ANP32A: variants seen among roughly 807,000 people sequenced by gnomAD.
ANP32A encodes acidic leucine-rich nuclear phosphoprotein 32 family member A.
ANP32A carries 1 observed loss-of-function variant against 33.9 expected under a neutral mutation model. That is an observed-to-expected ratio of 0.03 (90% CI 0.01 to 0.14). The LOEUF is 0.14. Ranked by LOEUF, ANP32A falls within the 10% of genes least tolerant of loss-of-function variation. ANP32A has a pLI of 1.00. For synonymous variants in ANP32A, 115 were observed against 120.5 expected (o/e 0.95, Z 0.30); for missense variants, 155 against 306.0 (o/e 0.51, Z 3.68).
In ANP32A at chr15:68,783,062, T is replaced by C; in HGVS notation, c.527-9A>G. 6.4e-7 allele frequency: 1 copy of C among 1,551,620 alleles called. No individual in the cohort carries two copies. The highest frequency in any genetic ancestry group is 8.7e-7 in the Non-Finnish European group (1 of 1,146,980). ...TTCATCATACTCCTCCTCTGTGCAA[T>C]CGAAATGGGGAACGGAAACAGAACT... On this transcript the variant is annotated splice_polypyrimidine_tract_variant and intron_variant, in intron 4 of 6. Coordinates refer to ENST00000465139, the MANE Select transcript of ANP32A (RefSeq NM_006305.4).
chr15:68,780,269 C>T lies in ANP32A; in HGVS notation c.689-127G>A. 1.3e-6 allele frequency: 2 copies of T among 1,562,916 alleles called. No homozygotes were observed. The highest frequency in any genetic ancestry group is 1.4e-5 in the African/African-American group (1 of 73,552). ...GCCATCCTTGGAAACCGAGGCAAGA[C>T]ATCTGCACAGCTGGAAGGGGAATCT... On this transcript the variant is annotated intron_variant, in intron 6 of 6. Coordinates refer to ENST00000465139, the MANE Select transcript of ANP32A (RefSeq NM_006305.4). This position sits in a 1 kb window ranked among gnomAD's most constrained non-coding sequence, Gnocchi z 4.3.
chr15:68,818,545 G>C (rs1213386565), intron 1 of ANP32A, among the ~76,000 whole-genome samples: 1 of 152,032 alleles, frequency 6.6e-6, no homozygotes, highest in African/African-American at 2.4e-5. Flanking sequence ...AGGCGTGTGG[G>C]CCGCGAGGCT....
Position 68,779,168 on chromosome 15 carries a change from G to A in ANP32A, c.*913C>T, listed in dbSNP as rs1434558220. The A allele has an allele frequency of 6.6e-6, 1 of 151,790 alleles. No individual in the cohort carries two copies. The highest frequency in any genetic ancestry group is 1.5e-5 in the Non-Finnish European group (1 of 67,950). The allele number at this position is 151,790 out of a possible 1,614,324, so 9.4% of individuals were successfully genotyped here. On this transcript the variant is annotated 3_prime_UTR_variant, in exon 7 of 7. Coordinates refer to ENST00000465139, the MANE Select transcript of ANP32A (RefSeq NM_006305.4). Reference sequence around the variant, plus strand: ...TTTTGCGTTAGTTTTTCCGTGCTCGGGTGTATGAAAAAAAAAACCCAGCCG... The same window carrying A: ...TTTTGCGTTAGTTTTTCCGTGCTCGAGTGTATGAAAAAAAAAACCCAGCCG...
At chr15:68,809,995 A>C (rs769182365) in intron 1 of ANP32A, among the ~76,000 whole-genome samples, 24 of 152,208 alleles carry the variant, frequency 1.6e-4, no homozygotes, top group Non-Finnish European at 2.9e-4. Context: ...AAAGTTCTGT[A>C]AGAGTTTTCT....
At chr15:68,796,610 C>T (rs1894067700) in intron 1 of ANP32A, among the ~76,000 whole-genome samples, 3 of 152,188 alleles carry the variant, frequency 2.0e-5, no homozygotes, top group Admixed American at 1.3e-4. Context: ...AAGAGGTAGG[C>T]ACTGGAAGCA....
At position 68,804,376 on chromosome 15, in the gene ANP32A, T is replaced by C. The variant is rs1413231855; in HGVS notation, c.54+16322A>G. Among the ~76,000 whole-genome samples, 5 of 152,204 alleles carry C rather than the reference T, an allele frequency of 3.3e-5. No homozygotes were observed. In the East Asian group the frequency reaches 5.8e-4, roughly 18 times the overall value. On this transcript the variant is annotated intron_variant, in intron 1 of 6. Transcript: ENST00000465139. ...ACCTTTCTGAGCCTTGGTTCCCTCA[T>C]TGGCAGAGTGAGCATAATTCCATTC...
chr15:68,782,869 C>T (rs576192571), intron 5 of ANP32A, 87 bp downstream of exon 5: 721 of 1,521,198 alleles, frequency 4.7e-4, no homozygotes, highest in Non-Finnish European at 6.2e-4. Context: ...ACCAGGGCTC[C>T]GGGGCTGCCA....
At chr15:68,783,835 C>A (rs1376269286) in intron 4 of ANP32A, among the ~76,000 whole-genome samples, 1 of 152,180 alleles carries the variant, frequency 6.6e-6, no homozygotes, top group Non-Finnish European at 1.5e-5. Context: ...AGCACCTGAG[C>A]CTGTGCCCCT....
rs976796549 is a variant in ANP32A, at chr15:68,820,880, A to C, written c.-129T>G. ...TCCGCTCGGTTCTCGAGCCCCCAGCACCCGCGGCGCACACTAACCTGATCG... is the reference window on the plus strand; with the variant it reads ...TCCGCTCGGTTCTCGAGCCCCCAGCCCCCGCGGCGCACACTAACCTGATCG... On this transcript the variant is annotated 5_prime_UTR_variant, in exon 1 of 7. Coordinates refer to ENST00000465139, the MANE Select transcript of ANP32A (RefSeq NM_006305.4). 1.8e-6 allele frequency: 2 copies of C among 1,106,498 alleles called. No homozygotes were observed. The highest frequency in any genetic ancestry group is 1.6e-5 in the African/African-American group (1 of 64,062). The allele number at this position is 1,106,498 out of a possible 1,614,324, so 68.5% of individuals were successfully genotyped here. A position where few individuals can be genotyped will look rare whatever the true frequency, so the allele number is the denominator to read the frequency against.
At chr15:68,819,010 G>C (rs568017499) in intron 1 of ANP32A, among the ~76,000 whole-genome samples, 1 of 152,356 alleles carries the variant, frequency 6.6e-6, no homozygotes, top group Non-Finnish European at 1.5e-5. Context: ...GCACTCGCAC[G>C]TCTCCAGTCC....
At position 68,783,015 on chromosome 15, in the gene ANP32A, C is replaced by T. The variant is rs1349772391; in HGVS notation, c.565G>A (p.Glu189Lys). ...TCCTCCTCCTCATCCTCGTCCTCCT[C>T]GTCTTCCACTACCTGAGCATCTTCA... ...YDEDAQVVED[E>K]EDEDEEEEGE... The change falls in exon 5 of 7, where the codon GAG becomes AAG. Residue 189 changes from glutamate to lysine, a missense_variant. By Grantham distance (56) the Glu-to-Lys change is moderately conservative (BLOSUM62 1). Transcript: ENST00000465139. 3 of 1,551,580 alleles carry T rather than the reference C, an allele frequency of 1.9e-6. No individual in the cohort carries two copies. Among genetic ancestry groups the T allele is most frequent in the Admixed American group, 2.0e-5 (1 of 50,982 alleles).
chr15:68,785,092 T>G (rs1893915985), intron 3 of ANP32A, among the ~76,000 whole-genome samples: 1 of 152,170 alleles, frequency 6.6e-6, no homozygotes, highest in Non-Finnish European at 1.5e-5. Context: ...ACAACCCCTG[T>G]AAGGTAGAAA....
intron 3 of ANP32A, among the ~76,000 whole-genome samples, chr15:68,786,305 G>A (rs914335693): frequency 6.9e-6 from 1 of 145,982 alleles, no homozygotes; most frequent in Non-Finnish European, 1.5e-5. Flanking sequence ...TGTCACCCAG[G>A]CTGGAGTGCA....
chr15:68,811,895 C>T, intron 1 of ANP32A, among the ~76,000 whole-genome samples: 1 of 81,406 alleles, frequency 1.2e-5, no homozygotes, highest in Admixed American at 1.7e-4. Flanking sequence ...TGCCACGACA[C>T]CCGGCTGATT....
At chr15:68,801,346 G>A (rs1429058429) in intron 1 of ANP32A, among the ~76,000 whole-genome samples, 1 of 152,016 alleles carries the variant, frequency 6.6e-6, no homozygotes, top group East Asian at 1.9e-4. Context: ...ATGGGAGAAT[G>A]TTTTGATTAT....
chr15:68,811,057 GTCT>G (rs1894304814), intron 1 of ANP32A, among the ~76,000 whole-genome samples: 1 of 83,776 alleles, frequency 1.2e-5, no homozygotes, highest in South Asian at 5.2e-4. Context: ...GTGAGACTCT[GTCT>G]GGGAAAAAAA....
chr15:68,820,800 C>T lies in ANP32A; in HGVS notation c.-49G>A, dbSNP rs766578381. On this transcript the variant is annotated 5_prime_UTR_variant, in exon 1 of 7. Transcript: ENST00000465139. ...GGCTCCCGCGCCGGCGGAATTCAAT[C>T]AATAAACCCCGAACCCACGGCCGCG... 1 of 1,611,194 alleles carries T rather than the reference C, an allele frequency of 6.2e-7. No homozygotes were observed. Among genetic ancestry groups the T allele is most frequent in the Admixed American group, 1.7e-5 (1 of 60,010 alleles).
chr15:68,787,765 T>C lies in ANP32A; in HGVS notation c.204+5A>G, dbSNP rs771971476. On this transcript the variant is annotated splice_donor_5th_base_variant and intron_variant, in intron 2 of 6. Coordinates refer to ENST00000465139, the MANE Select transcript of ANP32A (RefSeq NM_006305.4). ...CCCAGCACACACAGACTCCACTCTATTTACCTTCTTAAGTTTGTTTAACTT... is the reference window on the plus strand; with the variant it reads ...CCCAGCACACACAGACTCCACTCTACTTACCTTCTTAAGTTTGTTTAACTT... 3 of 1,452,604 alleles carry C rather than the reference T, an allele frequency of 2.1e-6. No individual in the cohort carries two copies. The highest frequency in any genetic ancestry group is 2.9e-6 in the Non-Finnish European group (3 of 1,034,558). The allele number at this position is 1,452,604 out of a possible 1,614,324, so 90.0% of individuals were successfully genotyped here.
Position 68,784,434 on chromosome 15 carries a change from G to A in ANP32A, c.489C>T (p.Tyr163=), listed in dbSNP as rs1332428203. ...CCTCCTCATCATCCAGGCCCTCCACGTAGCCCTCAGCATCCGAGTCAGGGG... is the reference window on the plus strand; with the variant it reads ...CCTCCTCATCATCCAGGCCCTCCACATAGCCCTCAGCATCCGAGTCAGGGG... The part of the protein sequence containing the change: ...KEAPDSDAEG[Y]VEGLDDEEED... The change falls in exon 4 of 7, where the codon TAC becomes TAT. Residue 163 remains tyrosine (Y), a synonymous_variant. Transcript: ENST00000465139. 11 of 1,614,016 alleles carry A rather than the reference G, an allele frequency of 6.8e-6. No homozygotes were observed. Among genetic ancestry groups the A allele is most frequent in the South Asian group, 1.1e-5 (1 of 91,060 alleles).
Sources: allele counts gnomAD v4.1 joint callset (sites outside exome capture counted in the v4.1 genomes callset), GRCh38; gene constraint gnomAD v4.1.1; non-coding constraint Gnocchi (gnomAD v3.1); transcripts MANE v1.5; gene names NCBI Gene and HGNC (gene_info 2026-07-23, HGNC 2026-07-21).